The following L3MBTL4 variants were observed in gnomAD, a reference collection of about 807,000 sequenced individuals.
L3MBTL4 encodes L3MBTL histone methyl-lysine binding protein 4.
Under a neutral mutation model 84.5 loss-of-function variants are expected in L3MBTL4, and 70 were observed. The ratio of observed to expected loss-of-function variants is 0.83; its 90% confidence interval spans 0.68 to 1.01. The LOEUF (loss-of-function observed/expected upper bound fraction) is 1.01. Among genes scored for constraint, L3MBTL4 ranks in the 50% least tolerant of loss-of-function variants. The probability of loss-of-function intolerance (pLI) is 0.00; values close to 1 mark genes in which losing one functional copy is unlikely to be tolerated. For missense variants in L3MBTL4, 715 were observed against 754.8 expected (o/e 0.95, Z 0.62); for synonymous variants, 274 against 259.8 (o/e 1.05, Z -0.52).
At chr18:6,014,836 T>C (rs942859352) in intron 16 of L3MBTL4, among the ~76,000 whole-genome samples, 2 of 152,128 alleles carry the variant, frequency 1.3e-5, no homozygotes, top group African/African-American at 4.8e-5. Context: ...AATGTCACTT[T>C]GGTGGGCAGT....
chr18:6,079,749 G>A (rs903260349), intron 16 of L3MBTL4, among the ~76,000 whole-genome samples: 4 of 151,988 alleles, frequency 2.6e-5, no homozygotes, highest in African/African-American at 4.8e-5. Context: ...AAAACATGTC[G>A]TTTACAGAAT....
At chr18:6,345,475 C>T (rs924277547) in intron 1 of L3MBTL4, among the ~76,000 whole-genome samples, 5 of 151,718 alleles carry the variant, frequency 3.3e-5, no homozygotes, top group Non-Finnish European at 7.4e-5. Flanking sequence ...TTTAAAAATT[C>T]GGTAAATTTG....
intron 14 of L3MBTL4, among the ~76,000 whole-genome samples, chr18:6,116,946 C>T (rs1425265246): frequency 6.6e-6 from 1 of 152,166 alleles, no homozygotes; most frequent in Admixed American, 6.5e-5. Context: ...GCATGTATCC[C>T]TATGCAACAC....
At chr18:6,095,833 C>T (rs958239154) in intron 14 of L3MBTL4, among the ~76,000 whole-genome samples, 3 of 152,166 alleles carry the variant, frequency 2.0e-5, no homozygotes, top group African/African-American at 7.2e-5. Context: ...CTATTCCCAA[C>T]AGCAGCAGAG....
chr18:6,141,904 A>G (rs1005919116), intron 13 of L3MBTL4, among the ~76,000 whole-genome samples: 9 of 152,152 alleles, frequency 5.9e-5, no homozygotes, highest in African/African-American at 2.2e-4. Context: ...CCTGGCCTAC[A>G]TGATTTATGA....
At chr18:6,264,067 C>G (rs1339613903) in intron 4 of L3MBTL4, 29 bp from the exon 5 acceptor site, 17 of 1,482,160 alleles carry the variant, frequency 1.1e-5, no homozygotes, top group Non-Finnish European at 1.6e-5. Context: ...TGACTTTTCT[C>G]AAAATGATTA....
chr18:6,316,242 C>G (rs1300323035), intron 1 of L3MBTL4, among the ~76,000 whole-genome samples: 1 of 152,214 alleles, frequency 6.6e-6, no homozygotes, highest in Non-Finnish European at 1.5e-5. Context: ...TCTTCACCAA[C>G]AGCCTGAAAT....
chr18:6,072,824 C>G lies in L3MBTL4; in HGVS notation c.1444+8057G>C, dbSNP rs1326031628. Reference sequence around the variant, plus strand: ...TGAGCCCAGATCGTGCCACTGCACTCCAGCACTCTAGCCTGGGTGACAGAG... The same window carrying G: ...TGAGCCCAGATCGTGCCACTGCACTGCAGCACTCTAGCCTGGGTGACAGAG... On this transcript the variant is annotated intron_variant, in intron 16 of 18. Coordinates refer to ENST00000317931, the MANE Select transcript of L3MBTL4 (RefSeq NM_001330559.2). Among the ~76,000 whole-genome samples, 3 of 130,046 alleles carry G rather than the reference C, an allele frequency of 2.3e-5. No homozygotes were observed. In the East Asian group the frequency reaches 6.8e-4, roughly 29 times the overall value. The allele number at this position is 130,046 out of a possible 152,430, so 85.3% of individuals were successfully genotyped here. A position where few individuals can be genotyped will look rare whatever the true frequency, so the allele number is the denominator to read the frequency against.
intron 13 of L3MBTL4, among the ~76,000 whole-genome samples, chr18:6,156,829 T>C (rs547965174): frequency 1.8e-4 from 27 of 152,340 alleles, no homozygotes; most frequent in African/African-American, 6.3e-4. Flanking sequence ...GGTCTGTACA[T>C]GTGATGACAG....
chr18:5,972,488 T>A (rs913647664), intron 16 of L3MBTL4, among the ~76,000 whole-genome samples: 1 of 152,134 alleles, frequency 6.6e-6, no homozygotes, highest in African/African-American at 2.4e-5. Context: ...GTGTTGTGAA[T>A]ACTCAGTGGC....
intron 14 of L3MBTL4, among the ~76,000 whole-genome samples, chr18:6,114,393 C>T (rs892649302): frequency 3.3e-5 from 5 of 152,216 alleles, no homozygotes; most frequent in Non-Finnish European, 5.9e-5. Flanking sequence ...TACTAAAACC[C>T]TGGGTATCTT....
chr18:6,109,252 A>G (rs1194129400), intron 14 of L3MBTL4, among the ~76,000 whole-genome samples: 1 of 152,168 alleles, frequency 6.6e-6, no homozygotes, highest in African/African-American at 2.4e-5. Flanking sequence ...ATGAATTTAG[A>G]TCAAGACTGG....
rs945704276 is a variant in L3MBTL4, at chr18:6,149,586, A to G, written c.1097-11290T>C. 5.9e-5 allele frequency among the ~76,000 whole-genome samples: 9 copies of G among 152,174 alleles called. No homozygotes were observed. In the East Asian group the frequency reaches 1.7e-3, roughly 29 times the overall value. On this transcript the variant is annotated intron_variant, in intron 13 of 18. Coordinates refer to ENST00000317931, the MANE Select transcript of L3MBTL4 (RefSeq NM_001330559.2). Reference sequence around the variant, plus strand: ...CCCAGTAATGGGATGACTGGGTCAAATGGTATTTCTAGTTCTAGATCCCTG... The same window carrying G: ...CCCAGTAATGGGATGACTGGGTCAAGTGGTATTTCTAGTTCTAGATCCCTG...
In L3MBTL4 at chr18:6,241,464, G is replaced by T. The variant is rs201746730; in HGVS notation, c.461-15C>A. On this transcript the variant is annotated splice_polypyrimidine_tract_variant and intron_variant, in intron 7 of 18. Coordinates refer to ENST00000317931, the MANE Select transcript of L3MBTL4 (RefSeq NM_001330559.2). ...TTTTCTATAACCTAAAAAAAGCACA[G>T]ATTACTCAAAATACCCAAAAGATGT... is the stretch of plus-strand genomic sequence containing the variant. 1.2e-4 allele frequency: 165 copies of T among 1,410,552 alleles called. No individual in the cohort carries two copies. In the African/African-American group the frequency reaches 2.1e-3, roughly 18 times the overall value. 87.4% of individuals were successfully genotyped at this position (1,410,552 alleles called of 1,614,324 possible). A position where few individuals can be genotyped will look rare whatever the true frequency, so the allele number is the denominator to read the frequency against.
intron 5 of L3MBTL4, among the ~76,000 whole-genome samples, chr18:6,250,348 G>A (rs2047869211): frequency 6.6e-6 from 1 of 152,098 alleles, no homozygotes; most frequent in Admixed American, 6.5e-5. Flanking sequence ...CAAGCTACTG[G>A]TGAAATTCCT....
chr18:6,411,283 A>T (rs2055953872), intron 1 of L3MBTL4, among the ~76,000 whole-genome samples: 1 of 152,110 alleles, frequency 6.6e-6, no homozygotes, highest in South Asian at 2.1e-4. Flanking sequence ...TATGGACCTA[A>T]GTAGTTTTCT....
At chr18:5,985,671 G>A (rs188067683) in intron 16 of L3MBTL4, among the ~76,000 whole-genome samples, 157 of 152,264 alleles carry the variant, frequency 1.0e-3, no homozygotes, top group Non-Finnish European at 2.0e-3. Context: ...AAATGGTCTG[G>A]AGATGAGGGC....
intron 1 of L3MBTL4, among the ~76,000 whole-genome samples, chr18:6,392,755 A>G (rs2055109947): frequency 6.6e-6 from 1 of 152,248 alleles, no homozygotes; most frequent in African/African-American, 2.4e-5. Flanking sequence ...AGACTTCAGA[A>G]GCAAATGCAA....
chr18:6,244,632 A>G, intron 5 of L3MBTL4, 44 bp from the exon 6 acceptor site: 1 of 1,287,664 alleles, frequency 7.8e-7, no homozygotes, highest in Non-Finnish European at 1.1e-6. Context: ...AGATTTCATC[A>G]CAGTTTTATA....
Sources: allele counts gnomAD v4.1 joint callset (sites outside exome capture counted in the v4.1 genomes callset), GRCh38; gene constraint gnomAD v4.1.1; transcripts MANE v1.5; gene names NCBI Gene and HGNC (gene_info 2026-07-23, HGNC 2026-07-21).